Variants in STK32C observed in about 807,000 individuals in gnomAD.
STK32C encodes the protein serine/threonine-protein kinase 32C.
STK32C carries 31 observed loss-of-function variants against 56.5 expected under a neutral mutation model. That is an observed-to-expected ratio of 0.55 (90% CI 0.41 to 0.74). STK32C has a LOEUF of 0.74. Ranked by LOEUF, STK32C falls within the 30% of genes least tolerant of loss-of-function variation. The pLI, the probability that STK32C is intolerant of heterozygous loss-of-function variation, is 0.00. For synonymous variants in STK32C, 309 were observed against 289.4 expected (o/e 1.07, Z -0.69); for missense variants, 544 against 676.9 (o/e 0.80, Z 2.18).
chr10:132,323,071 C>T (rs925193484), downstream of STK32C, among the ~76,000 whole-genome samples: 7 of 152,148 alleles, frequency 4.6e-5, no homozygotes, highest in Admixed American at 1.3e-4. This position sits in a 1 kb window ranked among gnomAD's most constrained non-coding sequence, Gnocchi z 4.8. Context: ...GGACTCACCA[C>T]CCTTTCATTC....
rs1031267860 is a variant in STK32C, at chr10:132,259,550, C to T, written c.263-13595G>A. On this transcript the variant is annotated intron_variant, in intron 1 of 11. Transcript: ENST00000298630. ...ATAGTGAGTTCTCATGAGATCTGGG[C>T]GTCTGAAAGTGTGTGTCACTTCCCC... is the stretch of plus-strand genomic sequence containing the variant. 4.5e-4 allele frequency among the ~76,000 whole-genome samples: 69 copies of T among 152,124 alleles called. 1 individual carries two copies. The highest frequency in any genetic ancestry group is 1.0e-3 in the Non-Finnish European group (68 of 68,024).
intron 10 of STK32C, among the ~76,000 whole-genome samples, chr10:132,214,394 A>C (rs973664538): frequency 6.6e-6 from 1 of 152,218 alleles, no homozygotes; most frequent in African/African-American, 2.4e-5. Flanking sequence ...AAACCTACCA[A>C]TCTAGAATTC....
chr10:132,295,624 G>A (rs951008225), intron 1 of STK32C, among the ~76,000 whole-genome samples: 5 of 151,998 alleles, frequency 3.3e-5, no homozygotes, highest in East Asian at 1.9e-4. Context: ...AGTGGCTCAC[G>A]CTTGTAATCC....
upstream of STK32C, chr10:132,308,003 GGGGCTTCT>G: frequency 1.1e-6 from 1 of 949,374 alleles, no homozygotes; most frequent in Non-Finnish European, 1.3e-6. Context: ...GGGCAGGGGC[GGGGCTTCT>G]GGAAGGGGCG....
At chr10:132,293,666 G>A (rs980110470) in intron 1 of STK32C, among the ~76,000 whole-genome samples, 1 of 152,218 alleles carries the variant, frequency 6.6e-6, no homozygotes, top group African/African-American at 2.4e-5. Context: ...GGGAACGCAG[G>A]GCAGGCAGGG....
intron 1 of STK32C, among the ~76,000 whole-genome samples, chr10:132,325,656 C>G: frequency 6.6e-6 from 1 of 152,082 alleles, no homozygotes; most frequent in East Asian, 1.9e-4. Context: ...GTGAGGCTTC[C>G]CCAGCCAGGT....
intron 1 of STK32C, among the ~76,000 whole-genome samples, chr10:132,280,160 ACGCCCC>A (rs2065124859): frequency 6.9e-6 from 1 of 145,664 alleles, no homozygotes; most frequent in African/African-American, 2.6e-5. Context: ...CTCTGTGATC[ACGCCCC>A]TGCACTCCGT....
At position 132,280,623 on chromosome 10, in the gene STK32C, G is replaced by GC. The variant is rs537878304; in HGVS notation, c.262+26948dup. Among the ~76,000 whole-genome samples, 456 of 103,402 alleles carry GC rather than the reference G, an allele frequency of 4.4e-3. 4 individuals are homozygous for GC. The highest frequency in any genetic ancestry group is 0.015 in the African/African-American group (438 of 29,748). The allele number at this position is 103,402 out of a possible 152,430, so 67.8% of individuals were successfully genotyped here. A position where few individuals can be genotyped will look rare whatever the true frequency, so the allele number is the denominator to read the frequency against. Reference sequence around the variant, plus strand: ...CACTCCACTCTGTGACCACGCCCCTGCACTCCGTGATCACGACACTCCACT... The same window carrying GC: ...CACTCCACTCTGTGACCACGCCCCTGCCACTCCGTGATCACGACACTCCACT... On this transcript the variant is annotated intron_variant, in intron 1 of 11. Coordinates refer to ENST00000298630, the MANE Select transcript of STK32C (RefSeq NM_173575.4).
intron 1 of STK32C, among the ~76,000 whole-genome samples, chr10:132,280,585 C>CCCGTGACCACGCCCCTGCACT: frequency 8.3e-6 from 1 of 120,422 alleles, no homozygotes; most frequent in East Asian, 2.7e-4. Flanking sequence ...GCCCCTGCAC[C>CCCGTGACCACGCCCCTGCACT]CTGTGATCAC....
At chr10:132,287,859 T>C (rs556307626) in intron 1 of STK32C, among the ~76,000 whole-genome samples, 1 of 152,046 alleles carries the variant, frequency 6.6e-6, no homozygotes, top group Non-Finnish European at 1.5e-5. Context: ...TACTAATGAG[T>C]AGCAGAAATT....
In STK32C at chr10:132,269,777, G is replaced by C. The variant is rs567608018; in HGVS notation, c.263-23822C>G. Among the ~76,000 whole-genome samples, 4 of 152,346 alleles carry C rather than the reference G, an allele frequency of 2.6e-5. No individual in the cohort carries two copies. In the East Asian group the frequency reaches 7.7e-4, roughly 29 times the overall value. On this transcript the variant is annotated intron_variant, in intron 1 of 11. Coordinates refer to ENST00000298630, the MANE Select transcript of STK32C (RefSeq NM_173575.4). The stretch of plus-strand genomic sequence containing the variant: ...CCTGGCCTCCCCCGAATGCCTGTGG[G>C]AGCGCTGACTCCAGCGGCACAGTGG...
At chr10:132,235,415 G>A (rs2063244701) in intron 2 of STK32C, among the ~76,000 whole-genome samples, 1 of 149,896 alleles carries the variant, frequency 6.7e-6, no homozygotes, top group Non-Finnish European at 1.5e-5. Context: ...GGAATCTCTT[G>A]AACCTGGGAG....
At chr10:132,221,882 CTAATAT>C (rs2062677757) in intron 10 of STK32C, among the ~76,000 whole-genome samples, 1 of 119,458 alleles carries the variant, frequency 8.4e-6, no homozygotes, top group African/African-American at 2.7e-5. Flanking sequence ...GCACACACAA[CTAATAT>C]CAACGCACCT....
At chr10:132,269,903 G>A (rs1206030290) in intron 1 of STK32C, among the ~76,000 whole-genome samples, 3 of 152,204 alleles carry the variant, frequency 2.0e-5, no homozygotes, top group African/African-American at 7.2e-5. Flanking sequence ...ACCCAATGGT[G>A]GCCTCCCAGC....
chr10:132,316,841 G>T (rs1183724190), intron 1 of STK32C, among the ~76,000 whole-genome samples: 3 of 152,100 alleles, frequency 2.0e-5, no homozygotes, highest in South Asian at 2.1e-4. Context: ...GGATCACAAG[G>T]TCAAGAGATT....
intron 1 of STK32C, among the ~76,000 whole-genome samples, chr10:132,287,734 T>C (rs542552597): frequency 1.3e-5 from 2 of 152,052 alleles, no homozygotes; most frequent in East Asian, 3.9e-4. Context: ...ATTACAGGCA[T>C]GAGCCACTGC....
At chr10:132,322,948 G>A (rs1216199373), downstream of STK32C, among the ~76,000 whole-genome samples, 1 of 152,092 alleles carries the variant, frequency 6.6e-6, no homozygotes, top group African/African-American at 2.4e-5. Flanking sequence ...GTGTTCTTAC[G>A]AAACCAAAAA....
chr10:132,260,263 G>A (rs1034600774), intron 1 of STK32C, among the ~76,000 whole-genome samples: 6 of 152,176 alleles, frequency 3.9e-5, no homozygotes, highest in African/African-American at 1.2e-4. Context: ...CAGCCACTGG[G>A]GAATGTACCA....
chr10:132,277,942 G>A (rs1029281715), intron 1 of STK32C, among the ~76,000 whole-genome samples: 1 of 152,120 alleles, frequency 6.6e-6, no homozygotes, highest in Non-Finnish European at 1.5e-5. Flanking sequence ...CCCAAATCAC[G>A]ATAAAATCAC....
Sources: gnomAD v4.1 joint callset for allele counts (sites outside exome capture counted in the v4.1 genomes callset) on GRCh38, gnomAD v4.1.1 for gene constraint, Gnocchi (gnomAD v3.1) non-coding constraint, MANE v1.5 for transcripts, NCBI Gene and HGNC (gene_info 2026-07-23, HGNC 2026-07-21) for gene names.